ARHGAP20: variants seen among roughly 807,000 people sequenced by gnomAD.
ARHGAP20 encodes Rho GTPase activating protein 20, also known as rho GTPase-activating protein 20.
ARHGAP20 carries 34 observed loss-of-function variants against 73.7 expected under a neutral mutation model. The ratio of observed to expected loss-of-function variants is 0.46; its 90% CI spans 0.35 to 0.61. The LOEUF (loss-of-function observed/expected upper bound fraction) is 0.61, where lower values mean the gene tolerates loss of function less well. Among genes scored for constraint, ARHGAP20 ranks in the 20% least tolerant of loss-of-function variants. The pLI, the probability that ARHGAP20 is intolerant of heterozygous loss-of-function variation, is 0.00. For missense variants in ARHGAP20, 1,314 were observed against 1,420.9 expected (o/e 0.92, Z 1.21); for synonymous variants, 523 against 518.2 (o/e 1.01, Z -0.13).
chr11:110,579,402 T>C lies in ARHGAP20; in HGVS notation c.3544A>G (p.Ile1182Val), dbSNP rs1947372653. ...TCTTTGGTTAAATACCTGTCCTCAA[T>C]GTCGCAGACCACTGTAGGCCCTGAG... is the stretch of plus-strand genomic sequence containing the variant. ...PDSGPTVVCD[I>V]EDRYLTKDI Residue 1182 changes from isoleucine (I) to valine (V), a missense_variant, in exon 15 of 15, where the codon ATT becomes GTT. Around this residue, in one of 3 missense-constraint regions of ARHGAP20, gnomAD observed 641 missense variants for 636.9 expected, o/e 1.01. Transcript: ENST00000683387. 1.2e-6 allele frequency: 2 copies of C among 1,603,330 alleles called. No individual in the cohort carries two copies. Among genetic ancestry groups the C allele is most frequent in the African/African-American group, 1.3e-5 (1 of 74,820 alleles).
chr11:110,606,773 T>C, intron 8 of ARHGAP20, 24 bp from the exon 9 acceptor site: 3 of 1,503,156 alleles, frequency 2.0e-6, no homozygotes, highest in Admixed American at 2.3e-5. Context: ...AATCTAAATG[T>C]AGACTTCAGG....
chr11:110,608,819 T>C (rs1353303740), intron 8 of ARHGAP20, among the ~76,000 whole-genome samples, 165 bp downstream of exon 8: 2 of 152,188 alleles, frequency 1.3e-5, no homozygotes, highest in Non-Finnish European at 2.9e-5. Flanking sequence ...AGATATTATT[T>C]GTCTAGCACA....
Position 110,648,008 on chromosome 11 carries a change from C to T in ARHGAP20, c.189-17216G>A, listed in dbSNP as rs145597742. 2.2e-3 allele frequency among the ~76,000 whole-genome samples: 331 copies of T among 151,678 alleles called. 1 individual carries two copies. Among genetic ancestry groups the T allele is most frequent in the Admixed American group, 5.1e-3 (78 of 15,208 alleles). ...GTCAGAACACTTTGATAGTCTATTT[C>T]AGTTTTCAAAAAGAATGTTTTAAAA... is the stretch of plus-strand genomic sequence containing the variant. On this transcript the variant is annotated intron_variant, in intron 2 of 14. Coordinates refer to ENST00000683387, the MANE Select transcript of ARHGAP20 (RefSeq NM_001384657.1).
intron 1 of ARHGAP20, among the ~76,000 whole-genome samples, chr11:110,698,364 T>C (rs1249842079): frequency 6.6e-6 from 1 of 151,884 alleles, no homozygotes; most frequent in Non-Finnish European, 1.5e-5. Context: ...TCATCAGAGA[T>C]ATTAGCCTAT....
At chr11:110,590,859 AG>A (rs1183434266) in intron 10 of ARHGAP20, 50 bp from the exon 11 acceptor site, 28 of 1,562,884 alleles carry the variant, frequency 1.8e-5, no homozygotes, top group Non-Finnish European at 2.3e-5. Flanking sequence ...CACACACACA[AG>A]GGAATGTACA....
At chr11:110,598,768 A>T (rs954693928) in intron 9 of ARHGAP20, among the ~76,000 whole-genome samples, 1 of 152,086 alleles carries the variant, frequency 6.6e-6, no homozygotes, top group Admixed American at 6.5e-5. Flanking sequence ...GCTGGGGACA[A>T]GCAGGAGCCC....
chr11:110,619,528 G>C (rs1297402696), intron 4 of ARHGAP20, among the ~76,000 whole-genome samples: 1 of 151,768 alleles, frequency 6.6e-6, no homozygotes, highest in Non-Finnish European at 1.5e-5. Context: ...TGCAGTGATA[G>C]GGTATATGCA....
rs765628751 is a variant in ARHGAP20 at position 110,579,509 on chromosome 11, C to T, written c.3437G>A (p.Gly1146Asp). Reference sequence around the variant, plus strand: ...CAGAGAACCAGAAGAGCTCTGACTACCAGGCTCTATTTCCTCATGTGACTT... The same window carrying T: ...CAGAGAACCAGAAGAGCTCTGACTATCAGGCTCTATTTCCTCATGTGACTT... ...CMKSHEEIEP[G>D]SQSSSGSLPW... Residue 1146 changes from glycine to aspartate, a missense_variant, in exon 15 of 15, where the codon GGT (glycine) becomes GAT (aspartate). Gly to Asp is a moderately conservative substitution (Grantham distance 94). Coordinates refer to ENST00000683387, the MANE Select transcript of ARHGAP20 (RefSeq NM_001384657.1). The T allele has an allele frequency of 6.2e-7, 1 of 1,614,152 alleles. No homozygotes were observed. The highest frequency in any genetic ancestry group is 1.7e-5 in the Admixed American group (1 of 60,012).
intron 4 of ARHGAP20, among the ~76,000 whole-genome samples, chr11:110,623,131 T>C (rs1443073951): frequency 6.6e-6 from 1 of 152,148 alleles, no homozygotes; most frequent in Non-Finnish European, 1.5e-5. Context: ...CCAAATCAGT[T>C]CTTAAAATCT....
chr11:110,711,668 G>T, intron 1 of ARHGAP20: 2 of 1,462,316 alleles, frequency 1.4e-6, no homozygotes, highest in Non-Finnish European at 1.8e-6. Flanking sequence ...CTTCTTCAGC[G>T]CCGGCTGCCG....
chr11:110,581,824 C>T (rs1231916017), intron 14 of ARHGAP20, among the ~76,000 whole-genome samples: 1 of 151,228 alleles, frequency 6.6e-6, no homozygotes, highest in Non-Finnish European at 1.5e-5. Flanking sequence ...TGTATGTCTT[C>T]GAATTCAGTG....
chr11:110,665,747 G>C (rs1949711263), intron 2 of ARHGAP20, among the ~76,000 whole-genome samples: 1 of 152,136 alleles, frequency 6.6e-6, no homozygotes, highest in South Asian at 2.1e-4. Context: ...TGTATGCGAG[G>C]AAATTACCTG....
At chr11:110,684,687 T>C (rs1194780139) in intron 2 of ARHGAP20, among the ~76,000 whole-genome samples, 1 of 152,102 alleles carries the variant, frequency 6.6e-6, no homozygotes, top group African/African-American at 2.4e-5. Context: ...AACAGTGGAT[T>C]AGATAAAGAA....
intron 7 of ARHGAP20, among the ~76,000 whole-genome samples, chr11:110,609,345 G>A (rs1948312064): frequency 6.6e-6 from 1 of 152,118 alleles, no homozygotes; most frequent in Non-Finnish European, 1.5e-5. Context: ...AGAATATTGG[G>A]CTTAACCTCC....
chr11:110,686,052 A>T (rs904388663), intron 2 of ARHGAP20, among the ~76,000 whole-genome samples: 62 of 152,106 alleles, frequency 4.1e-4, no homozygotes, highest in African/African-American at 1.3e-3. Context: ...TATTTGCAAA[A>T]ATTTGCATTA....
At chr11:110,595,243 A>G (rs1320080940) in intron 9 of ARHGAP20, among the ~76,000 whole-genome samples, 1 of 152,206 alleles carries the variant, frequency 6.6e-6, no homozygotes, top group African/African-American at 2.4e-5. Flanking sequence ...CAAGACAGGG[A>G]TGCCCTCTCT....
chr11:110,584,197 A>G (rs1002804406), intron 12 of ARHGAP20, among the ~76,000 whole-genome samples: 5 of 152,210 alleles, frequency 3.3e-5, no homozygotes, highest in African/African-American at 1.2e-4. Flanking sequence ...TTAGCTATCA[A>G]GACGTCCAGG....
chr11:110,688,172 T>C (rs1326834330), intron 2 of ARHGAP20, among the ~76,000 whole-genome samples: 1 of 152,138 alleles, frequency 6.6e-6, no homozygotes, highest in African/African-American at 2.4e-5. Flanking sequence ...ATTCTGTGCT[T>C]TCCATGATGC....
chr11:110,638,178 CA>C (rs2134976708), intron 2 of ARHGAP20, among the ~76,000 whole-genome samples: 1 of 151,918 alleles, frequency 6.6e-6, no homozygotes, highest in East Asian at 1.9e-4. Context: ...TACTTGGCCT[CA>C]AGTATACAAA....
Sources: gnomAD v4.1 joint callset for allele counts (sites outside exome capture counted in the v4.1 genomes callset) on GRCh38, gnomAD v4.1.1 for gene constraint, gnomAD v4.1.1 regional missense constraint, MANE v1.5 for transcripts, NCBI Gene and HGNC (gene_info 2026-07-23, HGNC 2026-07-21) for gene names.